Variants in TMPRSS11F observed in about 807,000 individuals in gnomAD.
The protein encoded by TMPRSS11F is transmembrane protease serine 11F.
In TMPRSS11F, 47 loss-of-function variants were observed where a neutral mutation model predicts 60.2. That is an observed-to-expected ratio of 0.78 (90% CI 0.62 to 1.00). The LOEUF (loss-of-function observed/expected upper bound fraction) is 1.00, where lower values mean the gene tolerates loss of function less well. Among genes scored for constraint, TMPRSS11F ranks in the 50% least tolerant of loss-of-function variants. The pLI, the probability that TMPRSS11F is intolerant of heterozygous loss-of-function variation, is 0.00. For synonymous variants in TMPRSS11F, 166 were observed against 167.3 expected, an observed-to-expected ratio of 0.99 and a Z score of 0.06; for missense variants, 519 against 522.9, an observed-to-expected ratio of 0.99 and a Z score of 0.07.
intron 8 of TMPRSS11F, chr4:68,063,313 G>A (rs2109834264): frequency 1.9e-6 from 1 of 513,484 alleles, no homozygotes; most frequent in South Asian, 1.5e-5. Flanking sequence ...GGAAACTTAA[G>A]TATTTCTTAT....
Position 68,070,081 on chromosome 4 carries a change from C to A in TMPRSS11F, c.515-74G>T. On this transcript the variant is annotated intron_variant, in intron 5 of 9. Transcript: ENST00000356291. The stretch of plus-strand genomic sequence containing the variant: ...TTTCATGTTGTGTTGTTCAACTGGT[C>A]ATTAATAGAAATGTGAATTATCTAA... 2.4e-6 allele frequency: 3 copies of A among 1,252,120 alleles called. No individual in the cohort carries two copies. The South Asian group carries it at 4.0e-5, about 17-fold the overall frequency. 77.6% of individuals were successfully genotyped at this position (1,252,120 alleles called of 1,614,324 possible).
intron 3 of TMPRSS11F, among the ~76,000 whole-genome samples, chr4:68,081,247 G>C (rs1723691874): frequency 6.6e-6 from 1 of 152,166 alleles, no homozygotes; most frequent in African/African-American, 2.4e-5. Context: ...TGGGAGTCAT[G>C]AGAATTTTCC....
chr4:68,122,139 TATAGG>T (rs1724636465), intron 1 of TMPRSS11F, among the ~76,000 whole-genome samples: 1 of 152,198 alleles, frequency 6.6e-6, no homozygotes, highest in African/African-American at 2.4e-5. Context: ...TACCATATAG[TATAGG>T]ATAACATAGA....
rs570327443 is a variant in TMPRSS11F, at chr4:68,070,018, C to T, written c.515-11G>A. 4.9e-5 allele frequency: 78 copies of T among 1,601,620 alleles called. No individual in the cohort carries two copies. The highest frequency in any genetic ancestry group is 1.0e-4 in the Admixed American group (6 of 58,452). ...TTTTGCTGTCAATAGCTGGAATAAGCAAAACATGAATTAGTTGGCAGAAGA... is the reference window on the plus strand; with the variant it reads ...TTTTGCTGTCAATAGCTGGAATAAGTAAAACATGAATTAGTTGGCAGAAGA... On this transcript the variant is annotated splice_polypyrimidine_tract_variant and intron_variant, in intron 5 of 9. Coordinates refer to ENST00000356291, the MANE Select transcript of TMPRSS11F (RefSeq NM_207407.2).
intron 1 of TMPRSS11F, among the ~76,000 whole-genome samples, chr4:68,116,506 C>G (rs1258680496): frequency 6.6e-6 from 1 of 152,142 alleles, no homozygotes; most frequent in African/African-American, 2.4e-5. Context: ...TAAAATTCAT[C>G]TGGACTCACA....
rs1198901387 is a variant in TMPRSS11F, at chr4:68,064,632, C to T, written c.1015+53G>A. The T allele has an allele frequency of 7.0e-6, 11 of 1,574,054 alleles. No homozygotes were observed. The African/African-American group carries it at 8.2e-5, about 12-fold the overall frequency. ...GAGGGATTCTTTAAGATAGATAGCTCGTTTGATCTCAAGACATTCTTGTGC... is the reference window on the plus strand; with the variant it reads ...GAGGGATTCTTTAAGATAGATAGCTTGTTTGATCTCAAGACATTCTTGTGC... On this transcript the variant is annotated intron_variant, in intron 8 of 9. Transcript: ENST00000356291.
intron 9 of TMPRSS11F, among the ~76,000 whole-genome samples, chr4:68,056,222 G>C (rs1723041981): frequency 6.6e-6 from 1 of 152,180 alleles, no homozygotes; most frequent in South Asian, 2.1e-4. Flanking sequence ...TAATAGAAAA[G>C]GAAGACATGA....
chr4:68,056,683 C>T (rs1236945207), intron 9 of TMPRSS11F, among the ~76,000 whole-genome samples: 1 of 150,846 alleles, frequency 6.6e-6, no homozygotes, highest in Non-Finnish European at 1.5e-5. Flanking sequence ...AGAAAGAAAA[C>T]AATCCTTAAA....
At chr4:68,129,260 C>T (rs1166317747) in intron 1 of TMPRSS11F, among the ~76,000 whole-genome samples, 2 of 152,030 alleles carry the variant, frequency 1.3e-5, no homozygotes, top group East Asian at 3.8e-4. Context: ...TATGATGATA[C>T]AAAGTCTAGA....
intron 8 of TMPRSS11F, chr4:68,061,913 T>C (rs1723186355): frequency 2.4e-6 from 1 of 424,710 alleles, no homozygotes; most frequent in Non-Finnish European, 4.6e-6. Context: ...AAAATTAACA[T>C]ATTAAAAACA....
At chr4:68,108,250 C>T (rs938049970) in intron 1 of TMPRSS11F, among the ~76,000 whole-genome samples, 1 of 152,090 alleles carries the variant, frequency 6.6e-6, no homozygotes, top group South Asian at 2.1e-4. Context: ...AAGGAGGATG[C>T]CAAGGTCTTT....
intron 1 of TMPRSS11F, among the ~76,000 whole-genome samples, chr4:68,127,746 A>G (rs1724741580): frequency 6.6e-6 from 1 of 152,174 alleles, no homozygotes; most frequent in African/African-American, 2.4e-5. Context: ...CTGAATCTGA[A>G]TCATATATCC....
rs144771880 is a variant in TMPRSS11F, at chr4:68,087,383, T to G, written c.282+3140A>C. Among the ~76,000 whole-genome samples the G allele has an allele frequency of 1.7e-3, 254 of 152,268 alleles. 2 individuals carry two copies. The highest frequency in any genetic ancestry group is 6.0e-3 in the African/African-American group (248 of 41,552). On this transcript the variant is annotated intron_variant, in intron 3 of 9. Coordinates refer to ENST00000356291, the MANE Select transcript of TMPRSS11F (RefSeq NM_207407.2). The stretch of plus-strand genomic sequence containing the variant: ...ATGTCAAAATAATAAGAGCTATCTA[T>G]GACAAACCCACAGCCAACATCACAC...
intron 1 of TMPRSS11F, among the ~76,000 whole-genome samples, chr4:68,114,971 T>C (rs1349840295): frequency 7.7e-6 from 1 of 129,344 alleles, no homozygotes; most frequent in African/African-American, 2.9e-5. Context: ...TGAAAAAAAC[T>C]TAACCTTAAT....
intron 3 of TMPRSS11F, among the ~76,000 whole-genome samples, chr4:68,083,335 G>T (rs979716933): frequency 2.0e-5 from 3 of 152,142 alleles, no homozygotes; most frequent in Non-Finnish European, 2.9e-5. Flanking sequence ...GCCCCCTAAG[G>T]CACAGGGATG....
chr4:68,103,909 G>C (rs995678789), intron 1 of TMPRSS11F, among the ~76,000 whole-genome samples: 3 of 151,798 alleles, frequency 2.0e-5, no homozygotes, highest in African/African-American at 7.3e-5. Context: ...TTAAATTTTT[G>C]ATACTATTGG....
Position 68,061,194 on chromosome 4 carries a change from C to A in TMPRSS11F, c.1016-1726G>T, listed in dbSNP as rs112385123. 5.1e-3 allele frequency among the ~76,000 whole-genome samples: 772 copies of A among 152,130 alleles called. 9 individuals carry two copies. Among genetic ancestry groups the A allele is most frequent in the African/African-American group, 0.018 (751 of 41,518 alleles). The stretch of plus-strand genomic sequence containing the variant: ...ACAAATGAAAGTGACTTGCCATTTA[C>A]AAAATTAGCACATCATACAACTTTT... On this transcript the variant is annotated intron_variant, in intron 8 of 9. Coordinates refer to ENST00000356291, the MANE Select transcript of TMPRSS11F (RefSeq NM_207407.2).
chr4:68,090,794 A>T (rs1007128617), intron 2 of TMPRSS11F, among the ~76,000 whole-genome samples, 153 bp from the exon 3 acceptor site: 14 of 152,164 alleles, frequency 9.2e-5, no homozygotes, highest in African/African-American at 3.4e-4. Context: ...AATACTCTGT[A>T]ATTTCACCAC....
chr4:68,085,638 A>C (rs1723796817), intron 3 of TMPRSS11F, among the ~76,000 whole-genome samples: 1 of 152,220 alleles, frequency 6.6e-6, no homozygotes, highest in African/African-American at 2.4e-5. Context: ...AAGTTGGATA[A>C]AAACACAAGA....
Sources: allele counts gnomAD v4.1 joint callset (sites outside exome capture counted in the v4.1 genomes callset), GRCh38; gene constraint gnomAD v4.1.1; transcripts MANE v1.5; gene names NCBI Gene and HGNC (gene_info 2026-07-23, HGNC 2026-07-21).